The following NYAP2 variants were observed in gnomAD, a reference collection of about 807,000 sequenced individuals.
NYAP2 encodes the protein neuronal tyrosine-phosphorylated phosphoinositide-3-kinase adapter 2.
In NYAP2, 23 loss-of-function variants were observed where a neutral mutation model predicts 50.4. That is an observed-to-expected ratio of 0.46 (90% CI 0.33 to 0.65). NYAP2 has a LOEUF of 0.65. NYAP2 is among the 30% of genes least tolerant of loss of function. The pLI is 0.02. For synonymous variants in NYAP2, 394 were observed against 365.2 expected (o/e 1.08, Z -0.90); for missense variants, 885 against 861.0 (o/e 1.03, Z -0.35).
chr2:225,547,102 T>C (rs1691598569), intron 4 of NYAP2, among the ~76,000 whole-genome samples: 1 of 152,038 alleles, frequency 6.6e-6, no homozygotes, highest in Non-Finnish European at 1.5e-5. Context: ...TCTCCTCCCC[T>C]CCCACACAAG....
chr2:225,517,736 G>A lies in NYAP2; in HGVS notation c.523+4064G>A, dbSNP rs145150710. On this transcript the variant is annotated intron_variant, in intron 4 of 6. Coordinates refer to ENST00000636099, the Ensembl canonical transcript of NYAP2. The stretch of plus-strand genomic sequence containing the variant: ...TAACATGAAATTTTGGTCTGGTATA[G>A]CACATATATTAAAAACAAAGAGGAA... 3.7e-3 allele frequency among the ~76,000 whole-genome samples: 568 copies of A among 152,160 alleles called. 2 individuals carry two copies. Among genetic ancestry groups the A allele is most frequent in the African/African-American group, 0.013 (554 of 41,522 alleles).
At chr2:225,433,151 G>T (rs1244936008) in intron 3 of NYAP2, among the ~76,000 whole-genome samples, 1 of 152,040 alleles carries the variant, frequency 6.6e-6, no homozygotes, top group African/African-American at 2.4e-5. Flanking sequence ...CTTATTGTAA[G>T]TATACCAACT....
intron 5 of NYAP2, among the ~76,000 whole-genome samples, chr2:225,595,454 ATCCAAATTGTG>A (rs1692579766): frequency 6.6e-6 from 1 of 152,250 alleles, no homozygotes; most frequent in Non-Finnish European, 1.5e-5. Flanking sequence ...CATTCTGGAC[ATCCAAATTGTG>A]TCTATATCTA....
At chr2:225,694,370 T>C in the NYAP2 span, among the ~76,000 whole-genome samples, 1 of 151,854 alleles carries the variant, frequency 6.6e-6, no homozygotes, top group African/African-American at 2.4e-5. Context: ...AGCGATGCAA[T>C]TTTTTATGGG....
At chr2:225,664,670 C>A in the NYAP2 span, among the ~76,000 whole-genome samples, 10 of 152,084 alleles carry the variant, frequency 6.6e-5, 1 homozygote, top group South Asian at 2.1e-3. Context: ...AGATCGAGAC[C>A]AGGATCATCC....
At chr2:225,581,988 C>A (rs748501345) in exon 5 of NYAP2, 4 of 1,612,584 alleles carry the variant, frequency 2.5e-6, no homozygotes, top group Admixed American at 3.3e-5. Context: ...CAAGAAGATT[C>A]CTCCTCCCAA....
In NYAP2 at chr2:225,493,431, G is replaced by A. The variant is rs144554977; in HGVS notation, c.222-19940G>A. 9.0e-3 allele frequency among the ~76,000 whole-genome samples: 1,367 copies of A among 152,360 alleles called. 23 individuals carry two copies. Among genetic ancestry groups the A allele is most frequent in the African/African-American group, 0.031 (1,299 of 41,584 alleles). ...ATGAACTGGAGCTTTGCTTAGTCAT[G>A]TTTATCTAACATGTACAGGGTGACC... is the stretch of plus-strand genomic sequence containing the variant. On this transcript the variant is annotated intron_variant, in intron 3 of 6. Coordinates refer to ENST00000636099, the Ensembl canonical transcript of NYAP2.
chr2:225,499,393 AG>A (rs1690563308), intron 3 of NYAP2, among the ~76,000 whole-genome samples: 1 of 151,936 alleles, frequency 6.6e-6, no homozygotes, highest in East Asian at 1.9e-4. Context: ...GCTCACTGCA[AG>A]CTCTGCCTCC....
rs563241002 is a variant in NYAP2, at chr2:225,502,767, G to T, written c.222-10604G>T. On this transcript the variant is annotated intron_variant, in intron 3 of 6. Coordinates refer to ENST00000636099, the Ensembl canonical transcript of NYAP2. Reference sequence around the variant, plus strand: ...GGTGGTTGTTAGGGCCCCAGGACTTGTTGTTCCATTGCACCTGCCTTATAC... The same window carrying T: ...GGTGGTTGTTAGGGCCCCAGGACTTTTTGTTCCATTGCACCTGCCTTATAC... Among the ~76,000 whole-genome samples, 22 of 152,278 alleles carry T rather than the reference G, an allele frequency of 1.4e-4. No individual in the cohort carries two copies. The South Asian group carries it at 4.6e-3, about 32-fold the overall frequency.
At chr2:225,482,424 G>A (rs894080914) in intron 3 of NYAP2, among the ~76,000 whole-genome samples, 3 of 152,036 alleles carry the variant, frequency 2.0e-5, no homozygotes, top group Non-Finnish European at 4.4e-5. Context: ...CTTAGCCTTT[G>A]TTGCCACTGT....
intron 4 of NYAP2, among the ~76,000 whole-genome samples, chr2:225,553,905 T>TAGCTTG (rs1691726117): frequency 1.3e-5 from 2 of 151,914 alleles, no homozygotes; most frequent in Admixed American, 1.3e-4. Flanking sequence ...GGCATGGTAT[T>TAGCTTG]GCTACTCAGG....
At chr2:225,535,565 G>T (rs1191765117) in intron 4 of NYAP2, among the ~76,000 whole-genome samples, 2 of 152,188 alleles carry the variant, frequency 1.3e-5, no homozygotes, top group Non-Finnish European at 2.9e-5. Context: ...AGACCCTGCA[G>T]CTTTCCTTAT....
the NYAP2 span, among the ~76,000 whole-genome samples, chr2:225,693,496 T>G: frequency 1.3e-5 from 2 of 151,968 alleles, no homozygotes; most frequent in African/African-American, 4.8e-5. Flanking sequence ...CCGTTTGGGG[T>G]GCCAGAACAG....
chr2:225,436,925 CTGGTGG>C (rs1689389298), intron 3 of NYAP2, among the ~76,000 whole-genome samples: 1 of 151,994 alleles, frequency 6.6e-6, no homozygotes, highest in African/African-American at 2.4e-5. Context: ...CAAGTGGGAG[CTGGTGG>C]TGGGGCTGAG....
chr2:225,673,281 G>A, the NYAP2 span, among the ~76,000 whole-genome samples: 1 of 152,020 alleles, frequency 6.6e-6, no homozygotes, highest in Non-Finnish European at 1.5e-5. Flanking sequence ...AATTCAAGAT[G>A]AGATTTGGTT....
intron 6 of NYAP2, among the ~76,000 whole-genome samples, chr2:225,637,287 T>C (rs997443644): frequency 6.6e-6 from 1 of 152,208 alleles, no homozygotes; most frequent in Admixed American, 6.5e-5. Flanking sequence ...TCATTTTTGT[T>C]ACGCAACAGG....
the NYAP2 span, among the ~76,000 whole-genome samples, chr2:225,678,076 T>C: frequency 7.2e-3 from 1,098 of 152,230 alleles, 14 homozygotes; most frequent in African/African-American, 0.025. Context: ...TTTTTTTAAT[T>C]ATTGATTCTA....
chr2:225,516,240 T>A (rs1210665378), intron 4 of NYAP2, among the ~76,000 whole-genome samples: 1 of 152,170 alleles, frequency 6.6e-6, no homozygotes, highest in Non-Finnish European at 1.5e-5. Flanking sequence ...GCCTTCACCA[T>A]CTAAGGATAG....
At chr2:225,655,519 T>C (rs1447471846), downstream of NYAP2, among the ~76,000 whole-genome samples, 4 of 152,318 alleles carry the variant, frequency 2.6e-5, no homozygotes, top group East Asian at 7.7e-4. Flanking sequence ...GTATTATACT[T>C]GGAGCACGTT....
Sources: gnomAD v4.1 joint callset for allele counts (sites outside exome capture counted in the v4.1 genomes callset) on GRCh38, gnomAD v4.1.1 for gene constraint, MANE v1.5 for transcripts, NCBI Gene and HGNC (gene_info 2026-07-23, HGNC 2026-07-21) for gene names.